Variants in KDM4B observed in about 807,000 individuals in gnomAD.
KDM4B encodes lysine-specific demethylase 4B.
A neutral mutation model predicts 125.2 loss-of-function variants in KDM4B; 32 were observed. The observed-to-expected ratio is 0.26, with a 90% confidence interval of 0.19 to 0.34. KDM4B has a LOEUF of 0.34. Among genes scored for constraint, KDM4B ranks in the 10% least tolerant of loss-of-function variants. The probability of loss-of-function intolerance (pLI) is 1.00; values close to 1 mark genes in which losing one functional copy is unlikely to be tolerated. For missense variants in KDM4B, 1,190 were observed against 1,577.7 expected (o/e 0.75, Z 4.16); for synonymous variants, 721 against 677.9 (o/e 1.06, Z -0.99).
chr19:5,123,745 C>T (rs1427569761), intron 11 of KDM4B, among the ~76,000 whole-genome samples: 1 of 152,230 alleles, frequency 6.6e-6, no homozygotes, highest in Admixed American at 6.5e-5. Context: ...GGCGCCTGAG[C>T]ATGGGTCGTG....
At chr19:4,991,508 G>A (rs1209583018) in intron 1 of KDM4B, among the ~76,000 whole-genome samples, 1 of 152,162 alleles carries the variant, frequency 6.6e-6, no homozygotes, top group Non-Finnish European at 1.5e-5. Flanking sequence ...ATAATAAAGA[G>A]ATTTCCCTAG....
At chr19:4,981,683 G>A (rs552223489) in intron 1 of KDM4B, among the ~76,000 whole-genome samples, 10 of 152,152 alleles carry the variant, frequency 6.6e-5, no homozygotes, top group South Asian at 4.1e-4. Flanking sequence ...AGGCACCGGC[G>A]GTGCTGTACA....
intron 3 of KDM4B, among the ~76,000 whole-genome samples, chr19:5,037,845 G>GGCT (rs1568246436): frequency 6.6e-6 from 1 of 152,228 alleles, no homozygotes; most frequent in Non-Finnish European, 1.5e-5. Context: ...TGCTCGCTGC[G>GGCT]GCTGCTGCTG....
intron 2 of KDM4B, among the ~76,000 whole-genome samples, chr19:5,023,929 A>T (rs1484853579): frequency 1.3e-5 from 2 of 151,504 alleles, no homozygotes; most frequent in Non-Finnish European, 2.9e-5. Context: ...TGATTTTTAA[A>T]TTTTTTGTAG....
At chr19:5,084,063 A>G (rs2038389767) in intron 9 of KDM4B, among the ~76,000 whole-genome samples, 1 of 152,114 alleles carries the variant, frequency 6.6e-6, no homozygotes, top group Middle Eastern at 3.4e-3. Context: ...CCTGGCCAAC[A>G]TGGTGAAACC....
At chr19:5,122,878 G>A (rs1174005284) in intron 11 of KDM4B, among the ~76,000 whole-genome samples, 4 of 152,256 alleles carry the variant, frequency 2.6e-5, no homozygotes, top group Non-Finnish European at 5.9e-5. Flanking sequence ...GGAAGCCGGT[G>A]CAGCGGGCAG....
intron 18 of KDM4B, chr19:5,138,434 C>T (rs1381846510): frequency 8.9e-6 from 2 of 224,700 alleles, no homozygotes; most frequent in Non-Finnish European, 1.8e-5. Context: ...CTGATCTTTG[C>T]TGTTTTTCTA....
chr19:5,050,463 G>A (rs1025362670), intron 6 of KDM4B, among the ~76,000 whole-genome samples: 7 of 152,272 alleles, frequency 4.6e-5, no homozygotes, highest in Admixed American at 4.6e-4. Context: ...CCGGAGTGCA[G>A]GTGGGTGTGG....
intron 2 of KDM4B, among the ~76,000 whole-genome samples, chr19:5,025,231 C>T (rs1055494943): frequency 6.6e-6 from 1 of 152,230 alleles, no homozygotes; most frequent in Non-Finnish European, 1.5e-5. Context: ...CCTATAATCC[C>T]AGCACTTTGG....
intron 9 of KDM4B, among the ~76,000 whole-genome samples, chr19:5,093,073 G>T (rs1385839938): frequency 6.6e-6 from 1 of 152,210 alleles, no homozygotes. Flanking sequence ...TCCTAGGGCT[G>T]TTGGAAGTGA....
chr19:5,125,914 G>A (rs967443362), intron 11 of KDM4B, among the ~76,000 whole-genome samples: 4 of 152,232 alleles, frequency 2.6e-5, no homozygotes, highest in Admixed American at 6.5e-5. Flanking sequence ...GCCTCTGGAC[G>A]AGAGGTTTAT....
chr19:5,094,211 C>T (rs1241305965), intron 9 of KDM4B, among the ~76,000 whole-genome samples: 1 of 152,274 alleles, frequency 6.6e-6, no homozygotes, highest in African/African-American at 2.4e-5. Flanking sequence ...GCCCTGATCC[C>T]ATATGTGAAT....
chr19:5,099,803 C>A (rs763957592), intron 9 of KDM4B, among the ~76,000 whole-genome samples: 1 of 152,242 alleles, frequency 6.6e-6, no homozygotes, highest in Non-Finnish European at 1.5e-5. Context: ...AAGGCACCAT[C>A]TAAGAACCAG....
intron 6 of KDM4B, among the ~76,000 whole-genome samples, chr19:5,053,928 C>T (rs1161718658): frequency 6.6e-6 from 1 of 152,246 alleles, no homozygotes; most frequent in Non-Finnish European, 1.5e-5. Flanking sequence ...GCCCAGCTTC[C>T]CTGTTTGAGG....
At chr19:5,150,824 G>A (rs994317692) in intron 22 of KDM4B, among the ~76,000 whole-genome samples, 1 of 152,330 alleles carries the variant, frequency 6.6e-6, no homozygotes, top group African/African-American at 2.4e-5. Context: ...TTGGGGTACA[G>A]GCGAAGTACG....
intron 2 of KDM4B, among the ~76,000 whole-genome samples, chr19:5,025,464 T>A (rs1243983231): frequency 6.6e-6 from 1 of 152,250 alleles, no homozygotes; most frequent in African/African-American, 2.4e-5. Context: ...GGGGGTTGCA[T>A]GCCCTGGAAG....
intron 10 of KDM4B, 79 bp downstream of exon 10, chr19:5,110,897 A>T (rs1347700580): frequency 2.5e-6 from 3 of 1,181,006 alleles, no homozygotes; most frequent in Non-Finnish European, 3.5e-6. Context: ...GCCCCTTCCC[A>T]CTGGCAGGGG....
chr19:5,107,711 G>T (rs1487697625), intron 9 of KDM4B, among the ~76,000 whole-genome samples: 1 of 152,204 alleles, frequency 6.6e-6, no homozygotes, highest in Non-Finnish European at 1.5e-5. Context: ...CGCAGTGGGG[G>T]CTGGGCATGT....
intron 2 of KDM4B, among the ~76,000 whole-genome samples, chr19:5,020,853 ACAT>A (rs1340928987): frequency 1.5e-4 from 23 of 152,196 alleles, no homozygotes; most frequent in African/African-American, 5.3e-4. Context: ...CTGATAGAAA[ACAT>A]CCCTGACTGG....
Sources: gnomAD v4.1 joint callset for allele counts (sites outside exome capture counted in the v4.1 genomes callset) on GRCh38, gnomAD v4.1.1 for gene constraint, MANE v1.5 for transcripts, NCBI Gene and HGNC (gene_info 2026-07-23, HGNC 2026-07-21) for gene names.